SGCZ: variants seen among roughly 807,000 people sequenced by gnomAD.
SGCZ encodes sarcoglycan zeta.
SGCZ carries 40 observed loss-of-function variants against 41.3 expected under a neutral mutation model. The observed-to-expected ratio is 0.97, with a 90% confidence interval of 0.75 to 1.26. The LOEUF is 1.26. SGCZ is among the 50% of genes most tolerant of loss of function. The pLI, the probability that SGCZ is intolerant of heterozygous loss-of-function variation, is 0.00. For synonymous variants in SGCZ, 206 were observed against 137.5 expected, an observed-to-expected ratio of 1.50 and a Z score of -3.49; for missense variants, 552 against 369.8, an observed-to-expected ratio of 1.49 and a Z score of -4.04.
intron 1 of SGCZ, among the ~76,000 whole-genome samples, chr8:14,768,322 A>G (rs192643052): frequency 5.6e-4 from 86 of 152,304 alleles, no homozygotes; most frequent in African/African-American, 1.9e-3. Context: ...GATACTTTAT[A>G]AAGTGCAGTA....
intron 1 of SGCZ, among the ~76,000 whole-genome samples, chr8:15,062,588 C>A (rs185072206): frequency 6.6e-6 from 1 of 152,222 alleles, no homozygotes; most frequent in African/African-American, 2.4e-5. Flanking sequence ...ATCAGCCCAT[C>A]TGAATAATAA....
At chr8:14,288,142 T>C (rs1800704712) in intron 3 of SGCZ, among the ~76,000 whole-genome samples, 1 of 152,086 alleles carries the variant, frequency 6.6e-6, no homozygotes, top group African/African-American at 2.4e-5. Context: ...GACATATAAT[T>C]GAGAAAATCT....
intron 1 of SGCZ, among the ~76,000 whole-genome samples, chr8:14,849,519 T>G (rs1360527675): frequency 2.6e-5 from 4 of 152,144 alleles, no homozygotes; most frequent in Non-Finnish European, 4.4e-5. Context: ...TGGTTTGATC[T>G]CAAAATAATT....
At chr8:14,660,756 C>T (rs182898368) in intron 1 of SGCZ, among the ~76,000 whole-genome samples, 1 of 151,842 alleles carries the variant, frequency 6.6e-6, no homozygotes, top group African/African-American at 2.4e-5. Flanking sequence ...GAAAGCTTGG[C>T]ATTCTCAAAA....
intron 5 of SGCZ, among the ~76,000 whole-genome samples, chr8:14,123,843 T>A (rs558394818): frequency 6.6e-6 from 1 of 152,116 alleles, no homozygotes; most frequent in Admixed American, 6.6e-5. Flanking sequence ...TGATTGCTCA[T>A]TGGATTATCT....
chr8:15,049,038 C>G (rs949985852), intron 1 of SGCZ, among the ~76,000 whole-genome samples: 1 of 152,138 alleles, frequency 6.6e-6, no homozygotes, highest in Non-Finnish European at 1.5e-5. Context: ...CCTGAGAAAT[C>G]ATTTACTCAA....
At chr8:14,970,274 T>C (rs1563399908) in intron 1 of SGCZ, among the ~76,000 whole-genome samples, 1 of 152,154 alleles carries the variant, frequency 6.6e-6, no homozygotes. Flanking sequence ...AATTTACATA[T>C]AATTTGCAAA....
chr8:14,571,244 G>A (rs1461238817), intron 1 of SGCZ, among the ~76,000 whole-genome samples: 4 of 152,144 alleles, frequency 2.6e-5, no homozygotes, highest in African/African-American at 7.2e-5. Context: ...GGGGCAAACC[G>A]CATCCATGAT....
chr8:14,993,026 A>G (rs1036496458), intron 1 of SGCZ, among the ~76,000 whole-genome samples: 2 of 151,378 alleles, frequency 1.3e-5, no homozygotes, highest in Non-Finnish European at 2.9e-5. Context: ...CATCCTCCTC[A>G]TCCAATCTAC....
chr8:14,682,580 G>A (rs11203664), intron 1 of SGCZ, among the ~76,000 whole-genome samples: 29,557 of 151,590 alleles, frequency 0.19, 3,581 homozygotes, highest in East Asian at 0.44. Flanking sequence ...GACTACAGGC[G>A]CCCACCACCA....
intron 2 of SGCZ, among the ~76,000 whole-genome samples, chr8:14,440,044 C>T (rs1800202931): frequency 1.3e-5 from 2 of 151,792 alleles, no homozygotes; most frequent in South Asian, 4.2e-4. Flanking sequence ...AAACATTTAG[C>T]CTTGTTGCAT....
At chr8:14,727,891 C>T (rs1320397254) in intron 1 of SGCZ, among the ~76,000 whole-genome samples, 1 of 152,106 alleles carries the variant, frequency 6.6e-6, no homozygotes, top group Non-Finnish European at 1.5e-5. Flanking sequence ...TTGTGTTATA[C>T]ACATAATGAA....
intron 5 of SGCZ, among the ~76,000 whole-genome samples, chr8:14,161,961 G>A (rs181519152): frequency 2.0e-5 from 3 of 152,142 alleles, no homozygotes; most frequent in East Asian, 3.9e-4. Flanking sequence ...GGGAGAGAGA[G>A]AGAAAGATAA....
At chr8:14,294,249 T>G (rs1800940096) in intron 3 of SGCZ, among the ~76,000 whole-genome samples, 1 of 151,958 alleles carries the variant, frequency 6.6e-6, no homozygotes, top group East Asian at 1.9e-4. Context: ...TGTATATATT[T>G]ATTTGTGAGC....
At chr8:14,308,179 C>T (rs1801408592) in intron 3 of SGCZ, among the ~76,000 whole-genome samples, 2 of 151,982 alleles carry the variant, frequency 1.3e-5, no homozygotes, top group South Asian at 4.1e-4. Context: ...ACATATAGAA[C>T]ATTACAAGAG....
chr8:14,386,517 C>T (rs1341090873), intron 2 of SGCZ, among the ~76,000 whole-genome samples: 3 of 152,112 alleles, frequency 2.0e-5, no homozygotes, highest in Non-Finnish European at 4.4e-5. Flanking sequence ...TTCACATTTT[C>T]TTTCTTTTTC....
intron 1 of SGCZ, among the ~76,000 whole-genome samples, chr8:14,739,741 G>C (rs1585222309): frequency 6.6e-6 from 1 of 151,996 alleles, no homozygotes; most frequent in East Asian, 1.9e-4. Flanking sequence ...CCTCCTAAGA[G>C]TCACAACGTT....
At chr8:14,376,277 C>G (rs1274601814) in intron 2 of SGCZ, among the ~76,000 whole-genome samples, 1 of 152,008 alleles carries the variant, frequency 6.6e-6, no homozygotes, top group African/African-American at 2.4e-5. Flanking sequence ...TGCCACTGCA[C>G]TCTAGCCTGG....
At chr8:14,474,870 T>C (rs1801313955) in intron 2 of SGCZ, among the ~76,000 whole-genome samples, 1 of 152,158 alleles carries the variant, frequency 6.6e-6, no homozygotes, top group Non-Finnish European at 1.5e-5. Flanking sequence ...AATGCATCAT[T>C]CCAAAATGTG....
Sources: gnomAD v4.1 joint callset for allele counts (sites outside exome capture counted in the v4.1 genomes callset) on GRCh38, gnomAD v4.1.1 for gene constraint, MANE v1.5 for transcripts, NCBI Gene and HGNC (gene_info 2026-07-23, HGNC 2026-07-21) for gene names.